The following LMX1A variants were observed in gnomAD, a reference collection of about 807,000 sequenced individuals.
The protein encoded by LMX1A is LIM homeobox transcription factor 1 alpha.
A neutral mutation model predicts 49.1 loss-of-function variants in LMX1A; 15 were observed. That is an observed-to-expected ratio of 0.31 (90% CI 0.20 to 0.47). The LOEUF (loss-of-function observed/expected upper bound fraction) is 0.47. Ranked by LOEUF, LMX1A falls within the 20% of genes least tolerant of loss-of-function variation. The probability of loss-of-function intolerance (pLI) is 1.00; values close to 1 mark genes in which losing one functional copy is unlikely to be tolerated. For synonymous variants in LMX1A, 167 were observed against 185.7 expected (o/e 0.90, Z 0.82); for missense variants, 372 against 475.8 (o/e 0.78, Z 2.03).
intron 3 of LMX1A, among the ~76,000 whole-genome samples, chr1:165,268,513 T>C (rs1034104653): frequency 6.6e-6 from 1 of 152,212 alleles, no homozygotes; most frequent in Non-Finnish European, 1.5e-5. Flanking sequence ...AGATCACTAG[T>C]AAATATTCCC....
intron 3 of LMX1A, among the ~76,000 whole-genome samples, chr1:165,282,530 A>C (rs1296857958): frequency 2.0e-5 from 3 of 152,102 alleles, no homozygotes; most frequent in African/African-American, 7.2e-5. Context: ...AATATTTTCA[A>C]CCCATGATTG....
chr1:165,347,195 G>A (rs1442382783), intron 3 of LMX1A, among the ~76,000 whole-genome samples: 4 of 151,966 alleles, frequency 2.6e-5, no homozygotes, highest in African/African-American at 9.7e-5. Flanking sequence ...GGCACAAAGG[G>A]GAAAAAAGGC....
intron 3 of LMX1A, among the ~76,000 whole-genome samples, chr1:165,312,429 G>A (rs1471407422): frequency 6.6e-6 from 1 of 152,086 alleles, no homozygotes; most frequent in Non-Finnish European, 1.5e-5. Flanking sequence ...TTATTTGACT[G>A]TCTTCCCACC....
intron 3 of LMX1A, among the ~76,000 whole-genome samples, chr1:165,307,587 T>C (rs1238670865): frequency 1.3e-5 from 2 of 152,208 alleles, no homozygotes; most frequent in African/African-American, 2.4e-5. Flanking sequence ...GTGCAGTGCA[T>C]ACATGCTATA....
intron 4 of LMX1A, among the ~76,000 whole-genome samples, chr1:165,242,878 C>T (rs537809468): frequency 2.8e-5 from 4 of 144,268 alleles, no homozygotes; most frequent in East Asian, 4.0e-4. Context: ...TGCAGTGAGC[C>T]GAGATTGCGC....
chr1:165,223,644 T>C (rs909021943), intron 4 of LMX1A, among the ~76,000 whole-genome samples: 6 of 152,226 alleles, frequency 3.9e-5, no homozygotes, highest in South Asian at 2.1e-4. Context: ...CTCCTGTCCA[T>C]GGTAATTTCT....
intron 6 of LMX1A, among the ~76,000 whole-genome samples, chr1:165,208,550 T>C (rs567158777): frequency 6.6e-6 from 1 of 152,384 alleles, no homozygotes; most frequent in Non-Finnish European, 1.5e-5. Context: ...CCCTGTCTGC[T>C]GGCCCTTAAG....
At chr1:165,314,233 G>C (rs2174696) in intron 3 of LMX1A, among the ~76,000 whole-genome samples, 2 of 152,002 alleles carry the variant, frequency 1.3e-5, no homozygotes, top group African/African-American at 4.8e-5. Context: ...ATGTGCAATA[G>C]CTGAGCTCTA....
At chr1:165,346,546 G>A (rs1345497002) in intron 3 of LMX1A, among the ~76,000 whole-genome samples, 1 of 152,228 alleles carries the variant, frequency 6.6e-6, no homozygotes, top group Non-Finnish European at 1.5e-5. Context: ...TGTAAGAACA[G>A]CACCGAGGTA....
Position 165,355,721 on chromosome 1 carries a change from G to C in LMX1A, c.-22-140C>G. On this transcript the variant is annotated intron_variant, in intron 1 of 8. Transcript: ENST00000342310. The surrounding 1 kb of genome is among the most constrained non-coding windows in gnomAD (Gnocchi z 4.7). ...CCAGGAGGATAGGGTCCAGCCAAGAGAATGTAGGGTGGGAGGAGAGATCAG... is the reference window on the plus strand; with the variant it reads ...CCAGGAGGATAGGGTCCAGCCAAGACAATGTAGGGTGGGAGGAGAGATCAG... The C allele has an allele frequency of 1.5e-6, 1 of 645,496 alleles. No homozygotes were observed. The allele number at this position is 645,496 out of a possible 1,614,324, so 40.0% of individuals were successfully genotyped here. A position where few individuals can be genotyped will look rare whatever the true frequency, so the allele number is the denominator to read the frequency against.
rs368209635 is a variant in LMX1A at position 165,293,737 on chromosome 1, T to G, written c.264-44097A>C. Among the ~76,000 whole-genome samples the G allele has an allele frequency of 6.9e-4, 105 of 152,310 alleles. 1 individual carries two copies. The highest frequency in any genetic ancestry group is 2.5e-3 in the African/African-American group (102 of 41,566). On this transcript the variant is annotated intron_variant, in intron 3 of 8. Coordinates refer to ENST00000342310, the MANE Select transcript of LMX1A (RefSeq NM_177398.4). ...TGGTCAGGGCCCATTTTCTGGACAG[T>G]GCTTTCTTGCTGTGTCTTCATAGAG...
At chr1:165,234,135 G>C (rs895689914) in intron 4 of LMX1A, among the ~76,000 whole-genome samples, 1 of 152,112 alleles carries the variant, frequency 6.6e-6, no homozygotes, top group African/African-American at 2.4e-5. Context: ...ACATTTTGGC[G>C]TTAATCTTAC....
intron 3 of LMX1A, among the ~76,000 whole-genome samples, chr1:165,303,901 T>C (rs939838436): frequency 6.6e-6 from 1 of 152,162 alleles, no homozygotes; most frequent in African/African-American, 2.4e-5. Context: ...ACGCAGATAT[T>C]ATATCTAGTA....
intron 3 of LMX1A, among the ~76,000 whole-genome samples, chr1:165,299,770 T>TAAAAA (rs35840243): frequency 1.1e-4 from 14 of 131,968 alleles, no homozygotes; most frequent in African/African-American, 3.7e-4. Flanking sequence ...AGAAACACAC[T>TAAAAA]AAAAAAAAAA....
intron 3 of LMX1A, among the ~76,000 whole-genome samples, chr1:165,301,684 T>C (rs1012187819): frequency 6.6e-6 from 1 of 152,112 alleles, no homozygotes; most frequent in Non-Finnish European, 1.5e-5. Context: ...AGATGTACTT[T>C]TAAAAGAAAA....
chr1:165,338,835 G>A (rs1250725754), intron 3 of LMX1A, among the ~76,000 whole-genome samples: 1 of 152,192 alleles, frequency 6.6e-6, no homozygotes, highest in Admixed American at 6.5e-5. Context: ...TCCCTTCTAA[G>A]CTCAGAGGTC....
intron 3 of LMX1A, among the ~76,000 whole-genome samples, chr1:165,292,847 G>T (rs968329710): frequency 6.6e-6 from 1 of 152,080 alleles, no homozygotes; most frequent in Non-Finnish European, 1.5e-5. Flanking sequence ...GTCCAGGCGC[G>T]GTGGCTCACG....
At chr1:165,298,982 TACA>T in intron 3 of LMX1A, among the ~76,000 whole-genome samples, 1 of 152,370 alleles carries the variant, frequency 6.6e-6, no homozygotes, top group East Asian at 1.9e-4. Flanking sequence ...TATTTAACCC[TACA>T]ACAACTCCAA....
chr1:165,243,765 A>G (rs191700770), intron 4 of LMX1A, among the ~76,000 whole-genome samples: 471 of 152,346 alleles, frequency 3.1e-3, no homozygotes, highest in Non-Finnish European at 5.5e-3. Context: ...AGTTCTGACA[A>G]TTTACCCCCA....
Sources: gnomAD v4.1 joint callset for allele counts (sites outside exome capture counted in the v4.1 genomes callset) on GRCh38, gnomAD v4.1.1 for gene constraint, Gnocchi (gnomAD v3.1) non-coding constraint, MANE v1.5 for transcripts, NCBI Gene and HGNC (gene_info 2026-07-23, HGNC 2026-07-21) for gene names.